Variants in MCTP1 observed in about 807,000 individuals in gnomAD.
MCTP1 encodes multiple C2 and transmembrane domain containing 1.
MCTP1 carries 69 observed loss-of-function variants against 120.6 expected under a neutral mutation model. The observed-to-expected ratio is 0.57, with a 90% CI of 0.47 to 0.70. MCTP1 has a LOEUF of 0.70. Among genes scored for constraint, MCTP1 ranks in the 30% least tolerant of loss-of-function variants. The pLI is 0.00. For synonymous variants in MCTP1, 529 were observed against 493.1 expected (o/e 1.07, Z -0.96); for missense variants, 1,203 against 1,248.8 (o/e 0.96, Z 0.55).
intron 1 of MCTP1, among the ~76,000 whole-genome samples, chr5:95,238,650 C>T (rs775451171): frequency 4.6e-5 from 7 of 152,128 alleles, no homozygotes; most frequent in Non-Finnish European, 7.4e-5. Context: ...CCTTTATAAC[C>T]GAACATGCAG....
chr5:94,714,299 A>G (rs1428970754), intron 20 of MCTP1, among the ~76,000 whole-genome samples: 1 of 152,170 alleles, frequency 6.6e-6, no homozygotes, highest in Non-Finnish European at 1.5e-5. Context: ...AGCTATTTAA[A>G]TACAAACTTG....
At chr5:95,168,239 TGTTCCATTG>T (rs1746702304) in intron 1 of MCTP1, among the ~76,000 whole-genome samples, 1 of 152,236 alleles carries the variant, frequency 6.6e-6, no homozygotes, top group Non-Finnish European at 1.5e-5. Context: ...GGCTCTGTTC[TGTTCCATTG>T]GTTTATTTCT....
intron 22 of MCTP1, 132 bp from the exon 23 acceptor site, chr5:94,707,699 C>A: frequency 1.5e-6 from 1 of 669,764 alleles, no homozygotes; most frequent in South Asian, 1.8e-5. Flanking sequence ...GGATCTGCAG[C>A]TGAGATGCAG....
chr5:95,122,688 T>C (rs1448542714), intron 1 of MCTP1, among the ~76,000 whole-genome samples: 2 of 152,222 alleles, frequency 1.3e-5, no homozygotes, highest in Non-Finnish European at 2.9e-5. Context: ...TGAAGAGGTA[T>C]CTGCCTTTCC....
chr5:94,824,138 T>C (rs1354268763), intron 17 of MCTP1, among the ~76,000 whole-genome samples: 2 of 152,210 alleles, frequency 1.3e-5, no homozygotes, highest in Non-Finnish European at 2.9e-5. Flanking sequence ...TCAAAGGGAA[T>C]TCTTCCAGCT....
At chr5:95,135,189 A>G (rs1759357073) in intron 1 of MCTP1, among the ~76,000 whole-genome samples, 1 of 152,152 alleles carries the variant, frequency 6.6e-6, no homozygotes, top group Non-Finnish European at 1.5e-5. Context: ...ATGGAGACAG[A>G]TTCTATAACT....
At chr5:95,271,436 T>A (rs1344408927) in intron 1 of MCTP1, among the ~76,000 whole-genome samples, 1 of 145,970 alleles carries the variant, frequency 6.9e-6, no homozygotes, top group Non-Finnish European at 1.5e-5. Flanking sequence ...ATTTTTATGA[T>A]CCTAAAAGTA....
chr5:95,061,730 C>T (rs921814459), intron 1 of MCTP1, among the ~76,000 whole-genome samples: 21 of 152,074 alleles, frequency 1.4e-4, no homozygotes, highest in African/African-American at 4.8e-4. Flanking sequence ...CCACCGCGCC[C>T]GGCCAAGGGT....
At chr5:95,222,913 A>T (rs954793359) in intron 1 of MCTP1, among the ~76,000 whole-genome samples, 3 of 152,250 alleles carry the variant, frequency 2.0e-5, no homozygotes, top group African/African-American at 7.2e-5. Context: ...TGGCAAGTCC[A>T]GAGTCTGCAG....
intron 17 of MCTP1, among the ~76,000 whole-genome samples, chr5:94,811,306 A>G (rs545265683): frequency 1.3e-5 from 2 of 152,334 alleles, no homozygotes; most frequent in Non-Finnish European, 2.9e-5. Context: ...AGCACTAAGT[A>G]TACATTTCTC....
intron 12 of MCTP1, among the ~76,000 whole-genome samples, chr5:94,879,744 T>C (rs1204704265): frequency 1.3e-5 from 2 of 152,026 alleles, no homozygotes; most frequent in East Asian, 1.9e-4. Flanking sequence ...GCAAATAATA[T>C]ATTAGTATTA....
chr5:95,107,595 A>T (rs747182247), intron 1 of MCTP1, among the ~76,000 whole-genome samples: 2 of 152,208 alleles, frequency 1.3e-5, no homozygotes, highest in Non-Finnish European at 2.9e-5. Context: ...AAGTAAATAA[A>T]GTTCTGCCTC....
intron 10 of MCTP1, among the ~76,000 whole-genome samples, chr5:94,903,594 C>A (rs927355490): frequency 2.0e-5 from 3 of 152,072 alleles, no homozygotes; most frequent in South Asian, 2.1e-4. Context: ...TTATCATATA[C>A]CATTAATAAG....
At chr5:94,792,015 G>A (rs1158605690) in intron 18 of MCTP1, 1 of 152,358 alleles carries the variant, frequency 6.6e-6, no homozygotes, top group Non-Finnish European at 1.5e-5. Flanking sequence ...CACCCCATAA[G>A]AGTACAGCCT....
intron 2 of MCTP1, among the ~76,000 whole-genome samples, chr5:94,997,596 C>G (rs191733919): frequency 9.9e-5 from 15 of 152,214 alleles, no homozygotes; most frequent in African/African-American, 3.4e-4. Context: ...AGTCATGACT[C>G]TTTATAATGG....
intron 17 of MCTP1, among the ~76,000 whole-genome samples, chr5:94,818,539 A>G (rs1784952160): frequency 1.3e-5 from 2 of 152,228 alleles, no homozygotes; most frequent in South Asian, 4.1e-4. Context: ...ATACTGCGCT[A>G]GAGGCTTCCT....
chr5:94,951,470 C>A (rs971226191), intron 3 of MCTP1, among the ~76,000 whole-genome samples: 14 of 152,020 alleles, frequency 9.2e-5, no homozygotes, highest in African/African-American at 3.4e-4. Context: ...TAAAAATAAA[C>A]TTCTTTCTTC....
At chr5:94,738,387 G>A (rs1764754958) in intron 19 of MCTP1, among the ~76,000 whole-genome samples, 1 of 152,022 alleles carries the variant, frequency 6.6e-6, no homozygotes, top group Non-Finnish European at 1.5e-5. Flanking sequence ...ACATTCAGTA[G>A]AAGCACCTTG....
chr5:95,115,762 T>C (rs1757782392), intron 1 of MCTP1, among the ~76,000 whole-genome samples: 2 of 152,066 alleles, frequency 1.3e-5, no homozygotes, highest in African/African-American at 4.8e-5. Flanking sequence ...TAGAGAAAGA[T>C]AATATCTGAG....
Sources: allele counts gnomAD v4.1 joint callset (sites outside exome capture counted in the v4.1 genomes callset), GRCh38; gene constraint gnomAD v4.1.1; transcripts MANE v1.5; gene names NCBI Gene and HGNC (gene_info 2026-07-23, HGNC 2026-07-21).